Variants in SIRPB1 observed in about 807,000 individuals in gnomAD.
The protein encoded by SIRPB1 is signal-regulatory protein beta-1.
SIRPB1 carries 28 observed loss-of-function variants against 34.1 expected under a neutral mutation model. The ratio of observed to expected loss-of-function variants is 0.82; its 90% confidence interval spans 0.61 to 1.12. The LOEUF (loss-of-function observed/expected upper bound fraction) is 1.12, where lower values mean the gene tolerates loss of function less well. Among genes scored for constraint, SIRPB1 ranks in the 50% most tolerant of loss-of-function variants. The pLI is 0.00. For synonymous variants in SIRPB1, 211 were observed against 203.8 expected (o/e 1.04, Z -0.30); for missense variants, 499 against 507.0 (o/e 0.98, Z 0.15).
chr20:1,572,201 G>A (rs1201067946), intron 2 of SIRPB1, among the ~76,000 whole-genome samples, 164 bp from the exon 3 acceptor site: 1 of 152,172 alleles, frequency 6.6e-6, no homozygotes, highest in Admixed American at 6.5e-5. Context: ...GGACACAACA[G>A]CTCTTAGAGG....
Position 1,564,828 on chromosome 20 carries a change from T to A in SIRPB1, c.*672A>T, listed in dbSNP as rs1298670772. 8 of 398,220 alleles carry A rather than the reference T, an allele frequency of 2.0e-5. No individual in the cohort carries two copies. Among genetic ancestry groups the A allele is most frequent in the Non-Finnish European group, 3.5e-5 (8 of 226,004 alleles). 24.7% of individuals were successfully genotyped at this position (398,220 alleles called of 1,614,324 possible). On this transcript the variant is annotated 3_prime_UTR_variant, in exon 6 of 6. Coordinates refer to ENST00000381605, the MANE Select transcript of SIRPB1 (RefSeq NM_006065.5). The stretch of plus-strand genomic sequence containing the variant: ...TTAAACATTTACCATCTCATGTAAG[T>A]GGACACATGCATTTTGGAGGCAGAA...
At chr20:1,576,765 A>G (rs778124585) in intron 2 of SIRPB1, among the ~76,000 whole-genome samples, 3 of 148,486 alleles carry the variant, frequency 2.0e-5, no homozygotes, top group Non-Finnish European at 4.5e-5. Flanking sequence ...TTAGCCAGGC[A>G]TGGTAGCTCA....
chr20:1,577,236 C>G (rs971610683), intron 2 of SIRPB1, among the ~76,000 whole-genome samples: 1 of 147,950 alleles, frequency 6.8e-6, no homozygotes, highest in Admixed American at 6.7e-5. Context: ...TTATCTAGCA[C>G]CTATGATGCA....
intron 1 of SIRPB1, among the ~76,000 whole-genome samples, chr20:1,616,643 T>A (rs1375896483): frequency 6.6e-6 from 1 of 152,132 alleles, no homozygotes; most frequent in Non-Finnish European, 1.5e-5. Context: ...GTGTGGGCAA[T>A]GAATTTTCAG....
chr20:1,609,357 T>C lies in SIRPB1; in HGVS notation c.76+10512A>G, dbSNP rs1232798802. 4.1e-5 allele frequency among the ~76,000 whole-genome samples: 3 copies of C among 73,006 alleles called. 1 individual carries two copies. Among genetic ancestry groups the C allele is most frequent in the Non-Finnish European group, 7.7e-5 (3 of 38,802 alleles). 47.9% of individuals were successfully genotyped at this position (73,006 alleles called of 152,430 possible). A position where few individuals can be genotyped will look rare whatever the true frequency, so the allele number is the denominator to read the frequency against. On this transcript the variant is annotated intron_variant, in intron 1 of 5. Coordinates refer to ENST00000381605, the MANE Select transcript of SIRPB1 (RefSeq NM_006065.5). ...ACATTTTCATATACATACATGTACATGAAAGCATCATGTTTTACGCTTTAC... is the reference window on the plus strand; with the variant it reads ...ACATTTTCATATACATACATGTACACGAAAGCATCATGTTTTACGCTTTAC...
In SIRPB1 at chr20:1,588,534, G is replaced by T; in HGVS notation, c.77-9840C>A. 2 of 578,892 alleles carry T rather than the reference G, an allele frequency of 3.5e-6. 1 individual carries two copies. Among genetic ancestry groups the T allele is most frequent in the Non-Finnish European group, 4.5e-6 (2 of 439,908 alleles). 35.9% of individuals were successfully genotyped at this position (578,892 alleles called of 1,614,324 possible). A position where few individuals can be genotyped will look rare whatever the true frequency, so the allele number is the denominator to read the frequency against. On this transcript the variant is annotated intron_variant, in intron 1 of 5. Transcript: ENST00000381605. ...ATATAGCCCTGCCAGCGGAGAGAAA[G>T]GGTTCTAGCCCAAGGCAATGCTTAC...
chr20:1,571,441 C>T (rs555979360), intron 3 of SIRPB1, among the ~76,000 whole-genome samples: 7 of 152,158 alleles, frequency 4.6e-5, no homozygotes, highest in Non-Finnish European at 8.8e-5. Context: ...GTGAAATCGC[C>T]GAGCACATAG....
intron 5 of SIRPB1, among the ~76,000 whole-genome samples, chr20:1,565,930 C>T (rs1289214156): frequency 3.3e-5 from 5 of 152,002 alleles, no homozygotes; most frequent in Admixed American, 1.3e-4. Flanking sequence ...CTTGAAGCAT[C>T]CCACCTCCTG....
At chr20:1,615,675 A>C (rs562197216) in intron 1 of SIRPB1, among the ~76,000 whole-genome samples, 1 of 152,364 alleles carries the variant, frequency 6.6e-6, no homozygotes, top group Admixed American at 6.5e-5. Flanking sequence ...TTCAATATAC[A>C]AATGACAAAG....
chr20:1,564,676 G>T lies in SIRPB1; in HGVS notation c.*824C>A, dbSNP rs1317516808. 1 of 370,734 alleles carries T rather than the reference G, an allele frequency of 2.7e-6. No individual in the cohort carries two copies. The highest frequency in any genetic ancestry group is 4.8e-6 in the Non-Finnish European group (1 of 208,960). The allele number at this position is 370,734 out of a possible 1,614,324, so 23.0% of individuals were successfully genotyped here. A position where few individuals can be genotyped will look rare whatever the true frequency, so the allele number is the denominator to read the frequency against. ...CTGAAAACCAATTGTTAAATTTCAG[G>T]AATCTTGCAATCTGGTTGTTTAACT... On this transcript the variant is annotated 3_prime_UTR_variant, in exon 6 of 6. Transcript: ENST00000381605.
At chr20:1,571,587 C>T in intron 3 of SIRPB1, 133 bp downstream of exon 3, 3 of 1,309,748 alleles carry the variant, frequency 2.3e-6, no homozygotes, top group Non-Finnish European at 3.2e-6. Flanking sequence ...GTGACCGGCT[C>T]ACCTAGGTGC....
At chr20:1,568,685 C>A (rs1178662943) in intron 4 of SIRPB1, among the ~76,000 whole-genome samples, 2 of 152,026 alleles carry the variant, frequency 1.3e-5, no homozygotes, top group Admixed American at 6.6e-5. Flanking sequence ...CAGCCCCCAG[C>A]CACAGAAAGT....
rs915963384 is a variant in SIRPB1, at chr20:1,617,158, C to G, written c.76+2711G>C. Among the ~76,000 whole-genome samples, 7 of 152,258 alleles carry G rather than the reference C, an allele frequency of 4.6e-5. No individual in the cohort carries two copies. In the South Asian group the frequency reaches 6.2e-4, roughly 14 times the overall value. On this transcript the variant is annotated intron_variant, in intron 1 of 5. Coordinates refer to ENST00000381605, the MANE Select transcript of SIRPB1 (RefSeq NM_006065.5). ...GCTCCTCAAAAAATTAAAAATAGAA[C>G]TATCATATGATCTGGCAATCTCACT...
chr20:1,563,936 A>ACAG lies in SIRPB1; in HGVS notation c.*1561_*1563dup, dbSNP rs1568675927. ...TTTAAGATGAGATTTGGATGGAGAC[A>ACAG]CAGAGCCAAACTATATCACTCCATA... is the stretch of plus-strand genomic sequence containing the variant. On this transcript the variant is annotated 3_prime_UTR_variant, in exon 6 of 6. Coordinates refer to ENST00000381605, the MANE Select transcript of SIRPB1 (RefSeq NM_006065.5). 6.6e-6 allele frequency: 1 copy of ACAG among 152,250 alleles called. No homozygotes were observed. Among genetic ancestry groups the ACAG allele is most frequent in the Admixed American group, 6.5e-5 (1 of 15,288 alleles). The allele number at this position is 152,250 out of a possible 1,614,324, so 9.4% of individuals were successfully genotyped here.
chr20:1,578,146 G>T (rs1568690105), intron 2 of SIRPB1, 192 bp downstream of exon 2: 1 of 636,786 alleles, frequency 1.6e-6, no homozygotes, highest in Non-Finnish European at 2.7e-6. Flanking sequence ...TTTACAAGCC[G>T]TGGAGCCTCG....
At chr20:1,594,473 C>T (rs1250542653) in intron 1 of SIRPB1, among the ~76,000 whole-genome samples, 1 of 48,676 alleles carries the variant, frequency 2.1e-5, no homozygotes, top group Non-Finnish European at 4.0e-5. Context: ...TTTGAAAGAA[C>T]GGGGAGCCTG....
chr20:1,615,556 G>A (rs910979736), intron 1 of SIRPB1, among the ~76,000 whole-genome samples: 8 of 152,070 alleles, frequency 5.3e-5, no homozygotes, highest in African/African-American at 1.9e-4. Context: ...ATTATTACTC[G>A]GTTTGTTGAT....
At chr20:1,578,307 A>G (rs748836407) in intron 2 of SIRPB1, 31 bp downstream of exon 2, 1 of 1,555,676 alleles carries the variant, frequency 6.4e-7, no homozygotes, top group South Asian at 1.1e-5. Context: ...GTCACACACC[A>G]GGGGACAAAG....
At position 1,602,532 on chromosome 20, in the gene SIRPB1, G is replaced by A. The variant is rs1408933973; in HGVS notation, c.76+17337C>T. Among the ~76,000 whole-genome samples, 2 of 49,200 alleles carry A rather than the reference G, an allele frequency of 4.1e-5. 1 individual carries two copies. Among genetic ancestry groups the A allele is most frequent in the African/African-American group, 2.7e-4 (2 of 7,456 alleles). 32.3% of individuals were successfully genotyped at this position (49,200 alleles called of 152,430 possible). A position where few individuals can be genotyped will look rare whatever the true frequency, so the allele number is the denominator to read the frequency against. ...TACCAAATCTGGTGCACAGAAAAAC[G>A]TTTACAAAAGAAATTTGGGGAAATT... On this transcript the variant is annotated intron_variant, in intron 1 of 5. Transcript: ENST00000381605.
Sources: allele counts gnomAD v4.1 joint callset (sites outside exome capture counted in the v4.1 genomes callset), GRCh38; gene constraint gnomAD v4.1.1; transcripts MANE v1.5; gene names NCBI Gene and HGNC (gene_info 2026-07-23, HGNC 2026-07-21).